KIAA1328: variants seen among roughly 807,000 people sequenced by gnomAD.
The protein encoded by KIAA1328 is KIAA1328, also known as protein hinderin.
Under a neutral mutation model 68.1 loss-of-function variants are expected in KIAA1328, and 52 were observed. That is an observed-to-expected ratio of 0.76 (90% CI 0.61 to 0.96). KIAA1328 has a LOEUF of 0.96. Among genes scored for constraint, KIAA1328 ranks in the 40% least tolerant of loss-of-function variants. The pLI, the probability that KIAA1328 is intolerant of heterozygous loss-of-function variation, is 0.00. For synonymous variants in KIAA1328, 232 were observed against 239.4 expected, an observed-to-expected ratio of 0.97 and a Z score of 0.28; for missense variants, 641 against 677.6, an observed-to-expected ratio of 0.95 and a Z score of 0.60.
chr18:37,016,412 A>G (rs564617069), intron 6 of KIAA1328, among the ~76,000 whole-genome samples: 1 of 152,152 alleles, frequency 6.6e-6, no homozygotes, highest in African/African-American at 2.4e-5. Flanking sequence ...TGTCTTCATC[A>G]GAGACATTGG....
At chr18:37,056,874 C>T (rs754537694) in intron 6 of KIAA1328, among the ~76,000 whole-genome samples, 40 of 152,098 alleles carry the variant, frequency 2.6e-4, no homozygotes, top group Admixed American at 5.9e-4. Flanking sequence ...AATTCCTTAC[C>T]TTAAGTGATC....
At chr18:36,838,265 C>T (rs912795314) in intron 3 of KIAA1328, among the ~76,000 whole-genome samples, 1 of 152,118 alleles carries the variant, frequency 6.6e-6, no homozygotes, top group African/African-American at 2.4e-5. Context: ...AGAGATAGTT[C>T]ACATATTCTT....
At chr18:37,027,116 C>G (rs1265403548) in intron 6 of KIAA1328, among the ~76,000 whole-genome samples, 1 of 152,048 alleles carries the variant, frequency 6.6e-6, no homozygotes, top group African/African-American at 2.4e-5. Context: ...CTCCTATTCA[C>G]AATTGCTTCA....
At chr18:37,058,836 C>G (rs1357857738) in intron 6 of KIAA1328, among the ~76,000 whole-genome samples, 2 of 152,062 alleles carry the variant, frequency 1.3e-5, no homozygotes, top group African/African-American at 4.8e-5. Flanking sequence ...AATAGTCATT[C>G]CCTTTGACTG....
intron 9 of KIAA1328, among the ~76,000 whole-genome samples, chr18:37,182,563 G>A (rs888566382): frequency 6.6e-6 from 1 of 152,106 alleles, no homozygotes; most frequent in African/African-American, 2.4e-5. Context: ...TGTCATTATA[G>A]AACTTCCCAG....
At chr18:37,000,867 A>T (rs2053563892) in intron 6 of KIAA1328, among the ~76,000 whole-genome samples, 1 of 152,138 alleles carries the variant, frequency 6.6e-6, no homozygotes, top group Non-Finnish European at 1.5e-5. Context: ...GCAACAAATC[A>T]AAACTTGTAG....
At chr18:36,885,041 T>A (rs2048452340) in intron 4 of KIAA1328, among the ~76,000 whole-genome samples, 1 of 152,118 alleles carries the variant, frequency 6.6e-6, no homozygotes, top group Admixed American at 6.5e-5. Context: ...TTTTATTTAA[T>A]CATACTATTT....
intron 6 of KIAA1328, among the ~76,000 whole-genome samples, chr18:36,960,024 A>G (rs2051593362): frequency 1.3e-5 from 2 of 152,164 alleles, no homozygotes; most frequent in Admixed American, 1.3e-4. Flanking sequence ...CTAAAGACCC[A>G]CTTCTGGTTG....
At chr18:37,030,829 C>A (rs1020063067) in intron 6 of KIAA1328, among the ~76,000 whole-genome samples, 28 of 152,222 alleles carry the variant, frequency 1.8e-4, no homozygotes, top group Middle Eastern at 3.4e-3. Context: ...CTATCCCTCT[C>A]CTATGCCCCC....
chr18:37,089,210 A>G (rs367543477), intron 7 of KIAA1328, among the ~76,000 whole-genome samples: 1 of 152,206 alleles, frequency 6.6e-6, no homozygotes, highest in East Asian at 1.9e-4. Context: ...CCCTATCTCT[A>G]GCCTATCAAA....
intron 4 of KIAA1328, among the ~76,000 whole-genome samples, chr18:36,847,679 A>G (rs908837247): frequency 6.6e-6 from 1 of 151,580 alleles, no homozygotes; most frequent in East Asian, 1.9e-4. Flanking sequence ...TTTTATTCTC[A>G]GTCTGCAGCT....
chr18:36,924,146 T>C (rs1159218153), intron 5 of KIAA1328, among the ~76,000 whole-genome samples: 2 of 152,156 alleles, frequency 1.3e-5, no homozygotes, highest in African/African-American at 4.8e-5. Context: ...TTGGTTTTGA[T>C]TAGTGAAGGT....
At chr18:37,144,899 A>G (rs890912445) in intron 7 of KIAA1328, among the ~76,000 whole-genome samples, 13 of 152,158 alleles carry the variant, frequency 8.5e-5, no homozygotes, top group African/African-American at 3.1e-4. Context: ...AATATTTACT[A>G]ACTTATCCTG....
intron 7 of KIAA1328, among the ~76,000 whole-genome samples, chr18:37,086,295 AT>A (rs1269694901): frequency 6.6e-6 from 1 of 152,216 alleles, no homozygotes; most frequent in African/African-American, 2.4e-5. Context: ...TGATTTAATC[AT>A]TTTGCAATGA....
chr18:37,044,634 A>T (rs1004384462), intron 6 of KIAA1328, among the ~76,000 whole-genome samples: 1 of 151,818 alleles, frequency 6.6e-6, no homozygotes, highest in African/African-American at 2.4e-5. Flanking sequence ...CATCTCTACT[A>T]AAAATACAAA....
intron 9 of KIAA1328, among the ~76,000 whole-genome samples, chr18:37,181,847 A>C (rs1031986190): frequency 6.6e-6 from 1 of 152,172 alleles, no homozygotes; most frequent in Non-Finnish European, 1.5e-5. Context: ...TTCTACAACA[A>C]TGTTATATTC....
chr18:37,186,857 A>T (rs1233332727), intron 9 of KIAA1328, among the ~76,000 whole-genome samples: 1 of 152,110 alleles, frequency 6.6e-6, no homozygotes, highest in East Asian at 1.9e-4. Flanking sequence ...TACTGAAAAA[A>T]GTATGACTAT....
chr18:37,130,168 A>G (rs2058488700), intron 7 of KIAA1328, among the ~76,000 whole-genome samples: 1 of 152,216 alleles, frequency 6.6e-6, no homozygotes, highest in South Asian at 2.1e-4. Flanking sequence ...TATAATATAT[A>G]GCATAACCAC....
At chr18:36,980,524 C>G in intron 6 of KIAA1328, among the ~76,000 whole-genome samples, 1 of 152,178 alleles carries the variant, frequency 6.6e-6, no homozygotes, top group East Asian at 1.9e-4. Context: ...GCTTCCACAA[C>G]AATTGGGCAT....
Sources: allele counts gnomAD v4.1 joint callset (sites outside exome capture counted in the v4.1 genomes callset), GRCh38; gene constraint gnomAD v4.1.1; transcripts MANE v1.5; gene names NCBI Gene and HGNC (gene_info 2026-07-23, HGNC 2026-07-21).